Variants in RARA observed in about 807,000 individuals in gnomAD.
RARA encodes retinoic acid receptor alpha.
In RARA, 5 loss-of-function variants were observed where a neutral mutation model predicts 42.8. The observed-to-expected ratio is 0.12, with a 90% CI of 0.06 to 0.25. The LOEUF (loss-of-function observed/expected upper bound fraction) is 0.25, where lower values mean the gene tolerates loss of function less well. RARA is among the 10% of genes least tolerant of loss of function. The pLI, the probability that RARA is intolerant of heterozygous loss-of-function variation, is 1.00. For missense variants in RARA, 402 were observed against 628.7 expected (o/e 0.64, Z 3.86); for synonymous variants, 256 against 259.5 (o/e 0.99, Z 0.13).
intron 1 of RARA, among the ~76,000 whole-genome samples, chr17:40,315,621 C>A (rs1283266452): frequency 6.6e-6 from 1 of 152,134 alleles, no homozygotes; most frequent in African/African-American, 2.4e-5. Context: ...TTCTCATCAT[C>A]TCTTCGGAGT....
intron 1 of RARA, among the ~76,000 whole-genome samples, chr17:40,327,966 G>GA (rs2033590957): frequency 6.6e-6 from 1 of 152,202 alleles, no homozygotes; most frequent in Non-Finnish European, 1.5e-5. Flanking sequence ...GCAGGGGCCT[G>GA]GGGTAGGAAG....
chr17:40,347,752 C>G (rs2034313856), intron 2 of RARA, among the ~76,000 whole-genome samples: 1 of 151,926 alleles, frequency 6.6e-6, no homozygotes, highest in African/African-American at 2.4e-5. Context: ...TTCTTTGCAC[C>G]CCCTGCCTTG....
chr17:40,316,099 T>C (rs1161779947), intron 1 of RARA, among the ~76,000 whole-genome samples: 1 of 152,222 alleles, frequency 6.6e-6, no homozygotes, highest in African/African-American at 2.4e-5. Flanking sequence ...CCTTCTGCAG[T>C]CAAGCTTGGG....
chr17:40,342,801 G>T, intron 2 of RARA: 8 of 1,612,796 alleles, frequency 5.0e-6, no homozygotes, highest in Non-Finnish European at 5.9e-6. Flanking sequence ...CCCAGAGAAG[G>T]GGCTCCCCGC....
Position 40,357,560 on chromosome 17 carries a change from C to T in RARA, c.*1334C>T. On this transcript the variant is annotated 3_prime_UTR_variant, in exon 9 of 9. Transcript: ENST00000254066. ...CCTTCACCAGGGGTTGGGGCCCCTT[C>T]CCCTGGAGCCCGTGGGTGCACCTGT... 4.3e-6 allele frequency: 1 copy of T among 232,576 alleles called. No homozygotes were observed. The highest frequency in any genetic ancestry group is 1.3e-3 in the Middle Eastern group (1 of 788). The allele number at this position is 232,576 out of a possible 1,614,324, so 14.4% of individuals were successfully genotyped here.
chr17:40,309,935 C>CGT (rs2033065422), intron 1 of RARA, among the ~76,000 whole-genome samples: 1 of 152,166 alleles, frequency 6.6e-6, no homozygotes, highest in African/African-American at 2.4e-5. Context: ...CCCGACCCCA[C>CGT]CTGTGTGTGT....
chr17:40,346,202 C>G (rs776817500), intron 2 of RARA, among the ~76,000 whole-genome samples: 83 of 152,292 alleles, frequency 5.5e-4, no homozygotes, highest in East Asian at 7.7e-4. Context: ...GTTTTTATGG[C>G]TTTTTGCCCT....
Position 40,356,337 on chromosome 17 carries a change from GTA to G in RARA, c.*112_*113del. 4.9e-6 allele frequency: 6 copies of G among 1,221,722 alleles called. No individual in the cohort carries two copies. The highest frequency in any genetic ancestry group is 7.0e-6 in the Non-Finnish European group (6 of 857,482). The allele number at this position is 1,221,722 out of a possible 1,614,324, so 75.7% of individuals were successfully genotyped here. ...CTGCCCCCACCTGCCCTCCCGGGCA[GTA>G]CTGGGGACCTTCCCTGGGGGACGGG... On this transcript the variant is annotated 3_prime_UTR_variant, in exon 9 of 9. Coordinates refer to ENST00000254066, the MANE Select transcript of RARA (RefSeq NM_000964.4).
rs2034479143 is a variant in RARA, at chr17:40,352,198, C to G, written c.630+128C>G. 1.3e-6 allele frequency: 2 copies of G among 1,494,770 alleles called. No homozygotes were observed. The highest frequency in any genetic ancestry group is 2.8e-5 in the African/African-American group (2 of 71,350). 92.6% of individuals were successfully genotyped at this position (1,494,770 alleles called of 1,614,324 possible). ...GTCCTTCCCTTCCCCTCTCTTCTCC[C>G]TCCTCCTGCTGCCTCTTCCCAAGGA... On this transcript the variant is annotated intron_variant, in intron 5 of 8. Transcript: ENST00000254066. This position sits in a 1 kb window ranked among gnomAD's most constrained non-coding sequence, Gnocchi z 4.9.
At chr17:40,337,410 T>G (rs1024069070) in intron 2 of RARA, among the ~76,000 whole-genome samples, 1 of 152,136 alleles carries the variant, frequency 6.6e-6, no homozygotes, top group Non-Finnish European at 1.5e-5. Flanking sequence ...CTCTCTGTTT[T>G]GGATCCTGAA....
At position 40,354,794 on chromosome 17, in the gene RARA, C is replaced by T. The variant is rs2034562664; in HGVS notation, c.1012+288C>T. On this transcript the variant is annotated intron_variant, in intron 7 of 8. Coordinates refer to ENST00000254066, the MANE Select transcript of RARA (RefSeq NM_000964.4). This position sits in a 1 kb window ranked among gnomAD's most constrained non-coding sequence, Gnocchi z 4.5. ...CAGGTTGCTGAACTTCTCTGGGCCT[C>T]CGTTTCTGTACAGTGGGGGCGGTAA... Among the ~76,000 whole-genome samples the T allele has an allele frequency of 6.6e-6, 1 of 152,174 alleles. No homozygotes were observed. The highest frequency in any genetic ancestry group is 2.4e-5 in the African/African-American group (1 of 41,440).
chr17:40,352,427 GCCAAGCAGCTGCCCGGCTTCA>G lies in RARA; in HGVS notation c.731_751del (p.Lys244_Thr250del). 1 of 1,613,802 alleles carries G rather than the reference GCCAAGCAGCTGCCCGGCTTCA, an allele frequency of 6.2e-7. No individual in the cohort carries two copies. Among genetic ancestry groups the G allele is most frequent in the Non-Finnish European group, 8.5e-7 (1 of 1,179,838 alleles). ...GTGCATCATTAAGACTGTGGAGTTCGCCAAGCAGCTGCCCGGCTTCACCACCCTCACCATCGCCGACCAGAT... is the reference window on the plus strand; with the variant it reads ...GTGCATCATTAAGACTGTGGAGTTCGCCACCCTCACCATCGCCGACCAGAT... On this transcript the variant is annotated inframe_deletion, in exon 6 of 9. Coordinates refer to ENST00000254066, the MANE Select transcript of RARA (RefSeq NM_000964.4). This position sits in a 1 kb window ranked among gnomAD's most constrained non-coding sequence, Gnocchi z 4.9.
At chr17:40,335,259 G>C (rs1034092480) in intron 2 of RARA, among the ~76,000 whole-genome samples, 7 of 152,014 alleles carry the variant, frequency 4.6e-5, no homozygotes, top group Non-Finnish European at 5.9e-5. Flanking sequence ...AAAGAGGAGT[G>C]GTCTTTCGTT....
chr17:40,356,231 C>A lies in RARA; in HGVS notation c.*5C>A. On this transcript the variant is annotated 3_prime_UTR_variant, in exon 9 of 9. Coordinates refer to ENST00000254066, the MANE Select transcript of RARA (RefSeq NM_000964.4). Reference sequence around the variant, plus strand: ...CCGGCCACCCACTCCCCGTGACCGCCCACGCCACATGGACACAGCCCTCGC... The same window carrying A: ...CCGGCCACCCACTCCCCGTGACCGCACACGCCACATGGACACAGCCCTCGC... The A allele has an allele frequency of 1.3e-6, 2 of 1,549,576 alleles. No individual in the cohort carries two copies. Among genetic ancestry groups the A allele is most frequent in the Non-Finnish European group, 1.7e-6 (2 of 1,146,594 alleles).
chr17:40,348,769 G>A, intron 3 of RARA: 1 of 244,578 alleles, frequency 4.1e-6, no homozygotes, highest in South Asian at 1.0e-4. Context: ...TGGTGAGCTG[G>A]CTGCCGACTG....
intron 1 of RARA, among the ~76,000 whole-genome samples, chr17:40,310,706 T>C (rs2033079701): frequency 1.3e-5 from 2 of 152,174 alleles, no homozygotes; most frequent in Non-Finnish European, 2.9e-5. Context: ...TATGTGTTTA[T>C]ATAGGTCTTC....
At position 40,351,463 on chromosome 17, in the gene RARA, A is replaced by T. The variant is rs887750309; in HGVS notation, c.470-447A>T. The T allele has an allele frequency of 8.5e-6, 4 of 472,062 alleles. No individual in the cohort carries two copies. The highest frequency in any genetic ancestry group is 1.8e-5 in the Non-Finnish European group (4 of 227,972). The allele number at this position is 472,062 out of a possible 1,614,324, so 29.2% of individuals were successfully genotyped here. ...CTCAGGCTGGGGAGCCCTACTCCCC[A>T]CTTGCCCCAGGAGCTGCTCAGAGCC... On this transcript the variant is annotated intron_variant, in intron 4 of 8. Coordinates refer to ENST00000254066, the MANE Select transcript of RARA (RefSeq NM_000964.4). The surrounding 1 kb of genome is among the most constrained non-coding windows in gnomAD (Gnocchi z 4.1).
At chr17:40,315,232 G>A (rs944290102) in intron 1 of RARA, among the ~76,000 whole-genome samples, 2 of 146,628 alleles carry the variant, frequency 1.4e-5, no homozygotes, top group Non-Finnish European at 3.0e-5. Flanking sequence ...AAGACACAGG[G>A]TCTTGCTATG....
Position 40,356,526 on chromosome 17 carries a change from C to A in RARA, c.*300C>A. On this transcript the variant is annotated 3_prime_UTR_variant, in exon 9 of 9. Transcript: ENST00000254066. The stretch of plus-strand genomic sequence containing the variant: ...TGGGGGCCTCGTGTTCATCAAGACA[C>A]CCCTCTGCCCAGCTCACCACATCTT... 1.6e-6 allele frequency: 1 copy of A among 638,284 alleles called. No individual in the cohort carries two copies. The highest frequency in any genetic ancestry group is 2.9e-6 in the Non-Finnish European group (1 of 343,208). 39.5% of individuals were successfully genotyped at this position (638,284 alleles called of 1,614,324 possible). A position where few individuals can be genotyped will look rare whatever the true frequency, so the allele number is the denominator to read the frequency against.
Sources: allele counts gnomAD v4.1 joint callset (sites outside exome capture counted in the v4.1 genomes callset), GRCh38; gene constraint gnomAD v4.1.1; non-coding constraint Gnocchi (gnomAD v3.1); transcripts MANE v1.5; gene names NCBI Gene and HGNC (gene_info 2026-07-23, HGNC 2026-07-21).